The following ABCB5 variants were observed in gnomAD, a reference collection of about 807,000 sequenced individuals.
The protein encoded by ABCB5 is ATP binding cassette subfamily B member 5.
A neutral mutation model predicts 144.2 loss-of-function variants in ABCB5; 155 were observed. That is an observed-to-expected ratio of 1.08 (90% CI 0.94 to 1.23). The LOEUF (loss-of-function observed/expected upper bound fraction) is 1.23. Ranked by LOEUF, ABCB5 falls within the 50% of genes most tolerant of loss-of-function variation. The probability of loss-of-function intolerance (pLI) is 0.00; values close to 1 mark genes in which losing one functional copy is unlikely to be tolerated. For synonymous variants in ABCB5, 610 were observed against 528.6 expected (o/e 1.15, Z -2.11); for missense variants, 1,830 against 1,520.8 (o/e 1.20, Z -3.38).
At chr7:20,690,574 C>G (rs1786184317) in intron 16 of ABCB5, among the ~76,000 whole-genome samples, 1 of 152,154 alleles carries the variant, frequency 6.6e-6, no homozygotes, top group South Asian at 2.1e-4. Flanking sequence ...CTCCATGTGG[C>G]TACAGTTTGG....
intron 1 of ABCB5, 135 bp downstream of exon 1, chr7:20,615,972 A>G (rs898993774): frequency 1.1e-4 from 17 of 152,290 alleles, no homozygotes; most frequent in African/African-American, 4.1e-4. Flanking sequence ...AAACTTTTTC[A>G]TAGTCAGAAA....
intron 2 of ABCB5, among the ~76,000 whole-genome samples, chr7:20,624,383 G>T (rs1783863510): frequency 6.6e-6 from 1 of 152,202 alleles, no homozygotes; most frequent in Admixed American, 6.5e-5. Flanking sequence ...AAGTGGTCAT[G>T]ATAATAATAC....
At chr7:20,618,251 A>G (rs1352924721) in intron 1 of ABCB5, among the ~76,000 whole-genome samples, 3 of 152,038 alleles carry the variant, frequency 2.0e-5, no homozygotes, top group Non-Finnish European at 2.9e-5. Flanking sequence ...TTTTTTCTCT[A>G]TGGATTTGCC....
chr7:20,627,410 G>T (rs548904797), intron 3 of ABCB5, among the ~76,000 whole-genome samples: 1 of 152,134 alleles, frequency 6.6e-6, no homozygotes, highest in Non-Finnish European at 1.5e-5. Context: ...AACGATGAAT[G>T]GAAAAATAAT....
intron 4 of ABCB5, among the ~76,000 whole-genome samples, chr7:20,631,833 A>C (rs971551527): frequency 6.6e-6 from 1 of 152,146 alleles, no homozygotes; most frequent in African/African-American, 2.4e-5. Context: ...TACATGGTTA[A>C]TGCTTCCTTA....
Position 20,646,025 on chromosome 7 carries a change from T to A in ABCB5, c.868T>A (p.Ser290Thr). The A allele has an allele frequency of 6.2e-7, 1 of 1,613,866 alleles. No individual in the cohort carries two copies. Among genetic ancestry groups the A allele is most frequent in the Non-Finnish European group, 8.5e-7 (1 of 1,179,822 alleles). The part of the protein sequence containing the change: ...GIKRTIASKV[S>T]LGAVYFFMNG... ...AAAAAGGACTATAGCTTCAAAAGTG[T>A]CTCTTGGTGCTGTGTACTTCTTTAT... The change falls in exon 9 of 28, where the codon TCT becomes ACT. Residue 290 changes from serine (S) to threonine (T), a missense_variant. Transcript: ENST00000404938.
At chr7:20,622,832 C>T (rs564379744) in intron 1 of ABCB5, among the ~76,000 whole-genome samples, 1 of 152,128 alleles carries the variant, frequency 6.6e-6, no homozygotes, top group Non-Finnish European at 1.5e-5. Flanking sequence ...AACTAGAAAA[C>T]CCTATTCCCT....
intron 15 of ABCB5, among the ~76,000 whole-genome samples, chr7:20,683,332 T>G (rs567096574): frequency 6.6e-6 from 1 of 152,304 alleles, no homozygotes; most frequent in Non-Finnish European, 1.5e-5. Flanking sequence ...AAAATAAAAG[T>G]GAGGTGTTAT....
At chr7:20,634,886 T>C (rs976065686) in intron 5 of ABCB5, among the ~76,000 whole-genome samples, 2 of 152,168 alleles carry the variant, frequency 1.3e-5, no homozygotes, top group African/African-American at 4.8e-5. Flanking sequence ...TTATTTCTTT[T>C]GCTGTGCAGA....
intron 20 of ABCB5, among the ~76,000 whole-genome samples, chr7:20,718,987 T>A (rs190422152): frequency 1.3e-5 from 2 of 152,196 alleles, no homozygotes; most frequent in Admixed American, 1.3e-4. Flanking sequence ...CAACCCAAAT[T>A]GAAGGCAACC....
At chr7:20,621,752 A>G (rs17804618) in intron 1 of ABCB5, among the ~76,000 whole-genome samples, 15,009 of 152,238 alleles carry the variant, frequency 0.099, 782 homozygotes, top group East Asian at 0.16. Context: ...TTAGGGAGCA[A>G]TAATAAAGTA....
rs1330152005 is a variant in ABCB5 at position 20,681,585 on chromosome 7, G to A, written c.1788G>A (p.Lys596=). 2 of 1,614,090 alleles carry A rather than the reference G, an allele frequency of 1.2e-6. No individual in the cohort carries two copies. Among genetic ancestry groups the A allele is most frequent in the Non-Finnish European group, 8.5e-7 (1 of 1,180,050 alleles). The part of the protein sequence containing the change: ...IRSADLIVTL[K]DGMLAEKGAH... The stretch of plus-strand genomic sequence containing the variant: ...GTGCAGATTTGATTGTGACCCTAAA[G>A]GATGGAATGCTGGCGGAGAAAGGAG... Residue 596 remains lysine, a synonymous_variant, in exon 15 of 28, where the codon AAG becomes AAA. Transcript: ENST00000404938.
chr7:20,755,542 T>A lies in ABCB5; in HGVS notation c.3692T>A (p.Ile1231Lys). Reference sequence around the variant, plus strand: ...ATAGTGGTTCTGCACAATGGAAAGATAAAGGAACAAGGAACTCATCAAGAG... The same window carrying A: ...ATAGTGGTTCTGCACAATGGAAAGAAAAAGGAACAAGGAACTCATCAAGAG... ...DLIVVLHNGKIKEQGTHQELL... is the reference protein window; with the variant it reads ...DLIVVLHNGKKKEQGTHQELL... The change falls in exon 28 of 28, where the codon ATA (isoleucine) becomes AAA (lysine). Residue 1231 changes from isoleucine (I) to lysine (K), a missense_variant. Transcript: ENST00000404938. The A allele has an allele frequency of 6.2e-7, 1 of 1,614,088 alleles. No individual in the cohort carries two copies. Among genetic ancestry groups the A allele is most frequent in the Non-Finnish European group, 8.5e-7 (1 of 1,180,012 alleles).
chr7:20,730,085 TAAG>T (rs1015139183), intron 23 of ABCB5, among the ~76,000 whole-genome samples: 5 of 152,218 alleles, frequency 3.3e-5, no homozygotes, highest in Admixed American at 1.3e-4. Flanking sequence ...TAGGCACTGA[TAAG>T]AAAACAGTCC....
chr7:20,634,194 C>A (rs1458140127), intron 5 of ABCB5, among the ~76,000 whole-genome samples: 15 of 123,906 alleles, frequency 1.2e-4, no homozygotes, highest in East Asian at 7.3e-4. Context: ...AAAAAAAAAA[C>A]AAACCATGAT....
At chr7:20,694,055 A>G (rs1233269157) in intron 16 of ABCB5, among the ~76,000 whole-genome samples, 1 of 151,302 alleles carries the variant, frequency 6.6e-6, no homozygotes, top group Non-Finnish European at 1.5e-5. Flanking sequence ...AAAAAACTTT[A>G]AGCCATATGG....
intron 23 of ABCB5, among the ~76,000 whole-genome samples, chr7:20,734,610 A>T (rs912362444): frequency 4.6e-5 from 7 of 151,916 alleles, no homozygotes; most frequent in Non-Finnish European, 8.8e-5. Context: ...TGCTCATAAT[A>T]TTAGTTTGTC....
intron 13 of ABCB5, among the ~76,000 whole-genome samples, chr7:20,652,067 G>A (rs1784613565): frequency 6.6e-6 from 1 of 152,148 alleles, no homozygotes. Context: ...AGAAAAAAAT[G>A]AAAGATATGT....
intron 5 of ABCB5, among the ~76,000 whole-genome samples, chr7:20,640,754 A>G (rs907837019): frequency 1.3e-5 from 2 of 152,330 alleles, no homozygotes; most frequent in South Asian, 2.1e-4. Context: ...TTAGAAAAAA[A>G]ACTTTAGCAA....
Sources: allele counts gnomAD v4.1 joint callset (sites outside exome capture counted in the v4.1 genomes callset), GRCh38; gene constraint gnomAD v4.1.1; transcripts MANE v1.5; gene names NCBI Gene and HGNC (gene_info 2026-07-23, HGNC 2026-07-21).